The following ABCA12 variants were observed in gnomAD, a reference collection of about 807,000 sequenced individuals.
The protein encoded by ABCA12 is glucosylceramide transporter ABCA12.
Under a neutral mutation model 293.5 loss-of-function variants are expected in ABCA12, and 156 were observed. The observed-to-expected ratio is 0.53, with a 90% CI of 0.47 to 0.61. The LOEUF is 0.61. Among genes scored for constraint, ABCA12 ranks in the 20% least tolerant of loss-of-function variants. ABCA12 has a pLI of 0.00. For synonymous variants in ABCA12, 1,063 were observed against 1,108.0 expected (o/e 0.96, Z 0.81); for missense variants, 2,797 against 3,090.2 (o/e 0.91, Z 2.25).
chr2:215,044,983 C>G (rs1701172515), intron 7 of ABCA12, among the ~76,000 whole-genome samples: 1 of 152,090 alleles, frequency 6.6e-6, no homozygotes, highest in Non-Finnish European at 1.5e-5. Flanking sequence ...GCAAACCCTT[C>G]TAGATGCAGG....
rs765410981 is a variant in ABCA12 at position 214,954,010 on chromosome 2, G to A, written c.6491C>T (p.Ser2164Leu). 1.2e-5 allele frequency: 20 copies of A among 1,614,054 alleles called. No individual in the cohort carries two copies. The Middle Eastern group carries it at 4.9e-4, about 40-fold the overall frequency. The change falls in exon 44 of 53, where the codon TCG (serine) becomes TTG (leucine). Residue 2164 changes from serine (S) to leucine (L), a missense_variant. Transcript: ENST00000272895. The part of the protein sequence containing the change: ...YGLIELSQQQ[S>L]VLDFLKAYGV... The stretch of plus-strand genomic sequence containing the variant: ...ATATGCTTTTAAGAAGTCTAGGACC[G>A]ACTGTTGTTGAGAAAGTTCAATCAA...
At chr2:215,013,153 T>C (rs1700412915) in intron 15 of ABCA12, 1 of 152,198 alleles carries the variant, frequency 6.6e-6, no homozygotes, top group Non-Finnish European at 1.5e-5. Flanking sequence ...TCACAGAACT[T>C]TGATCTATTA....
chr2:215,076,935 T>C (rs1461185340), intron 2 of ABCA12, among the ~76,000 whole-genome samples: 1 of 152,110 alleles, frequency 6.6e-6, no homozygotes, highest in Non-Finnish European at 1.5e-5. Context: ...AATAATACTA[T>C]GTGATGTAGT....
In ABCA12 at chr2:214,989,443, A is replaced by G; in HGVS notation, c.3715T>C (p.Tyr1239His). 1 of 1,613,696 alleles carries G rather than the reference A, an allele frequency of 6.2e-7. No homozygotes were observed. Among genetic ancestry groups the G allele is most frequent in the Non-Finnish European group, 8.5e-7 (1 of 1,179,914 alleles). Residue 1239 changes from tyrosine to histidine, a missense_variant, in exon 26 of 53, where the codon TAC becomes CAC. Tyr to His is a moderately conservative substitution (Grantham distance 83, BLOSUM62 2). This residue lies in a region of ABCA12 where 2,130 missense variants were observed against 2,427.0 expected (regional missense o/e 0.88). Transcript: ENST00000272895. ...GTGTCATCCTGAACCGGGGAGGTGT[A>G]CATATTTTCCCACTGAAGACCTAAA... ...QGIGLQWENM[Y>H]TSPVQDDTTS...
rs905787647 is a variant in ABCA12, at chr2:215,058,217, A to G, written c.318-3553T>C. The stretch of plus-strand genomic sequence containing the variant: ...CCCCTACCCCGGGGGACATTTGGCA[A>G]TGTCTGGAGACATATTTGGTTGTCA... On this transcript the variant is annotated intron_variant, in intron 3 of 52. Coordinates refer to ENST00000272895, the MANE Select transcript of ABCA12 (RefSeq NM_173076.3). 2.0e-5 allele frequency among the ~76,000 whole-genome samples: 3 copies of G among 151,990 alleles called. 1 individual carries two copies. The highest frequency in any genetic ancestry group is 4.4e-5 in the Non-Finnish European group (3 of 67,964).
intron 19 of ABCA12, among the ~76,000 whole-genome samples, chr2:215,006,464 T>C (rs1170672554): frequency 6.6e-6 from 1 of 152,174 alleles, no homozygotes; most frequent in East Asian, 1.9e-4. Context: ...ATGTCTATTT[T>C]AGAAATTTAT....
intron 10 of ABCA12, among the ~76,000 whole-genome samples, chr2:215,026,176 T>G (rs4673933): frequency 0.031 from 4,646 of 152,294 alleles, 205 homozygotes; most frequent in Admixed American, 0.13. Context: ...AAGTCTGGAC[T>G]TAAATATTTG....
At chr2:214,958,803 T>C (rs532253453) in intron 40 of ABCA12, among the ~76,000 whole-genome samples, 1 of 152,294 alleles carries the variant, frequency 6.6e-6, no homozygotes, top group South Asian at 2.1e-4. Flanking sequence ...ACTTGACTTA[T>C]AAAAGCAGCA....
chr2:215,010,620 C>T lies in ABCA12; in HGVS notation c.2333-150G>A, dbSNP rs913033381. ...TTAACAGATGTGAGGCATCTGGTGTCAAAGTAAGAAAGCACAGTAACCAAT... is the reference window on the plus strand; with the variant it reads ...TTAACAGATGTGAGGCATCTGGTGTTAAAGTAAGAAAGCACAGTAACCAAT... On this transcript the variant is annotated intron_variant, in intron 17 of 52. Coordinates refer to ENST00000272895, the MANE Select transcript of ABCA12 (RefSeq NM_173076.3). 1.3e-5 allele frequency: 12 copies of T among 931,304 alleles called. No individual in the cohort carries two copies. The African/African-American group carries it at 1.8e-4, about 14-fold the overall frequency. The allele number at this position is 931,304 out of a possible 1,614,324, so 57.7% of individuals were successfully genotyped here.
At chr2:215,046,240 AG>A (rs1245619015) in intron 6 of ABCA12, among the ~76,000 whole-genome samples, 1 of 152,032 alleles carries the variant, frequency 6.6e-6, no homozygotes, top group Non-Finnish European at 1.5e-5. Context: ...TTGGCATAAA[AG>A]TTTGGTTAAC....
At chr2:215,086,143 A>C (rs1039067295) in intron 2 of ABCA12, among the ~76,000 whole-genome samples, 5 of 152,242 alleles carry the variant, frequency 3.3e-5, no homozygotes, top group Non-Finnish European at 5.9e-5. Context: ...AACCACCATC[A>C]TGACTGGCCA....
intron 2 of ABCA12, among the ~76,000 whole-genome samples, chr2:215,083,512 C>CCCTCCATGAGG (rs1701983095): frequency 6.6e-6 from 1 of 152,012 alleles, no homozygotes; most frequent in African/African-American, 2.4e-5. Context: ...AGCAATTTTA[C>CCCTCCATGAGG]GTCAAAGTCT....
chr2:215,126,113 G>T (rs937198395), intron 1 of ABCA12, among the ~76,000 whole-genome samples: 3 of 152,146 alleles, frequency 2.0e-5, no homozygotes, highest in Admixed American at 6.6e-5. Flanking sequence ...ACTTGCATAT[G>T]TTAAACCATC....
Position 215,019,779 on chromosome 2 carries a change from G to C in ABCA12, c.1305C>G (p.Asn435Lys), listed in dbSNP as rs530511039. The change falls in exon 12 of 53, where the codon AAC becomes AAG. Residue 435 changes from asparagine to lysine, a missense_variant. By Grantham distance (94) the Asn-to-Lys change is moderately conservative (BLOSUM62 0). Around this residue, in one of 3 missense-constraint regions of ABCA12, gnomAD observed 656 missense variants for 638.2 expected, o/e 1.03. Transcript: ENST00000272895. The stretch of plus-strand genomic sequence containing the variant: ...CAGATTCACAAAGAAGTTCGGTCAA[G>C]TTTCGAAGTTGAGACAGCTTTCCAA... ...VLKSKLSQLR[N>K]LTELLCESET... The C allele has an allele frequency of 6.2e-7, 1 of 1,612,554 alleles. No homozygotes were observed. Among genetic ancestry groups the C allele is most frequent in the South Asian group, 1.1e-5 (1 of 91,076 alleles).
chr2:215,016,374 G>A (rs1218470004), intron 14 of ABCA12, among the ~76,000 whole-genome samples: 1 of 150,734 alleles, frequency 6.6e-6, no homozygotes, highest in Non-Finnish European at 1.5e-5. Context: ...ACGAGGTCAG[G>A]AAATCAAGAC....
chr2:215,019,544 C>G lies in ABCA12; in HGVS notation c.1540G>C (p.Asp514His). 6.2e-7 allele frequency: 1 copy of G among 1,614,172 alleles called. No individual in the cohort carries two copies. The highest frequency in any genetic ancestry group is 1.1e-5 in the South Asian group (1 of 91,082). Residue 514 changes from aspartate to histidine, a missense_variant, in exon 12 of 53, where the codon GAT (aspartate) becomes CAT (histidine). By Grantham distance (81) the Asp-to-His change is moderately conservative. Around this residue, in one of 3 missense-constraint regions of ABCA12, gnomAD observed 656 missense variants for 638.2 expected, o/e 1.03. Transcript: ENST00000272895. ...GDPSKINLNMDQFLEQALQMN... is the reference protein window; with the variant it reads ...GDPSKINLNMHQFLEQALQMN... ...GAAGACAATGGAAAAACTTACTGAT[C>G]CATATTTAAATTAATTTTGCTTGGA...
In ABCA12 at chr2:215,138,385, T is replaced by C; in HGVS notation, c.-177A>G. 1 of 694,170 alleles carries C rather than the reference T, an allele frequency of 1.4e-6. No individual in the cohort carries two copies. 43.0% of individuals were successfully genotyped at this position (694,170 alleles called of 1,614,324 possible). A position where few individuals can be genotyped will look rare whatever the true frequency, so the allele number is the denominator to read the frequency against. On this transcript the variant is annotated 5_prime_UTR_variant, in exon 1 of 53. Transcript: ENST00000272895. Reference sequence around the variant, plus strand: ...CTTCTGTTTCTGCTGGATTTTTCCCTGTGGTTAATCCTTAACCAAGAGGCA... The same window carrying C: ...CTTCTGTTTCTGCTGGATTTTTCCCCGTGGTTAATCCTTAACCAAGAGGCA...
At chr2:215,136,933 G>T (rs1024864769) in intron 1 of ABCA12, among the ~76,000 whole-genome samples, 12 of 151,954 alleles carry the variant, frequency 7.9e-5, no homozygotes, top group Non-Finnish European at 1.2e-4. Context: ...GCCCCAACTC[G>T]CATGCTCTGA....
intron 29 of ABCA12, among the ~76,000 whole-genome samples, chr2:214,983,317 T>C (rs1209970856): frequency 6.6e-6 from 1 of 152,124 alleles, no homozygotes; most frequent in African/African-American, 2.4e-5. Flanking sequence ...TGGTTGCTCT[T>C]TGAAGAACAG....
Sources: gnomAD v4.1 joint callset for allele counts (sites outside exome capture counted in the v4.1 genomes callset) on GRCh38, gnomAD v4.1.1 for gene constraint, gnomAD v4.1.1 regional missense constraint, MANE v1.5 for transcripts, NCBI Gene and HGNC (gene_info 2026-07-23, HGNC 2026-07-21) for gene names.